Variants in NPAS3 observed in about 807,000 individuals in gnomAD.
NPAS3 encodes the protein neuronal PAS domain-containing protein 3.
In NPAS3, 14 loss-of-function variants were observed where a neutral mutation model predicts 73.1. The ratio of observed to expected loss-of-function variants is 0.19; its 90% CI spans 0.13 to 0.30. NPAS3 has a LOEUF of 0.30. NPAS3 is among the 10% of genes least tolerant of loss of function. The pLI, the probability that NPAS3 is intolerant of heterozygous loss-of-function variation, is 1.00. For synonymous variants in NPAS3, 620 were observed against 541.5 expected (o/e 1.14, Z -2.01); for missense variants, 1,096 against 1,250.0 (o/e 0.88, Z 1.86).
At chr14:33,097,631 G>A (rs1472627391) in intron 2 of NPAS3, among the ~76,000 whole-genome samples, 3 of 152,188 alleles carry the variant, frequency 2.0e-5, no homozygotes, top group African/African-American at 4.8e-5. Context: ...GTACCAATCA[G>A]CAATATATGA....
In NPAS3 at chr14:33,720,767, G is replaced by A. The variant is rs541353964; in HGVS notation, c.734-14447G>A. Among the ~76,000 whole-genome samples, 8 of 152,214 alleles carry A rather than the reference G, an allele frequency of 5.3e-5. No individual in the cohort carries two copies. The South Asian group carries it at 1.5e-3, about 28-fold the overall frequency. On this transcript the variant is annotated intron_variant, in intron 6 of 11. Coordinates refer to ENST00000356141, the Ensembl canonical transcript of NPAS3. ...GGCTCATTGGGGATACATATATTAAGCCCTTTAAATAGTTCATAATAAATC... is the reference window on the plus strand; with the variant it reads ...GGCTCATTGGGGATACATATATTAAACCCTTTAAATAGTTCATAATAAATC...
intron 3 of NPAS3, among the ~76,000 whole-genome samples, chr14:33,227,805 C>T (rs140823188): frequency 1.2e-4 from 19 of 152,148 alleles, no homozygotes; most frequent in Non-Finnish European, 2.2e-4. Flanking sequence ...AGGTACAGTT[C>T]ATGTATCCCA....
intron 1 of NPAS3, among the ~76,000 whole-genome samples, chr14:32,957,623 C>T (rs957497039): frequency 3.3e-5 from 5 of 152,246 alleles, no homozygotes; most frequent in Non-Finnish European, 2.9e-5. Flanking sequence ...CCGCCTGCCT[C>T]GGCCTCCCAA....
intron 1 of NPAS3, among the ~76,000 whole-genome samples, chr14:33,041,623 G>C (rs1186298014): frequency 6.6e-6 from 1 of 152,130 alleles, no homozygotes; most frequent in Non-Finnish European, 1.5e-5. Flanking sequence ...TTTGGTCTAG[G>C]TCCCTTTGCT....
chr14:33,023,540 T>TA (rs1026226023), intron 1 of NPAS3, among the ~76,000 whole-genome samples: 2 of 152,352 alleles, frequency 1.3e-5, no homozygotes, highest in Admixed American at 1.3e-4. Context: ...TAATACATTC[T>TA]AAAAATGCAT....
chr14:33,487,914 G>A (rs1424388993), intron 4 of NPAS3, among the ~76,000 whole-genome samples: 1 of 152,112 alleles, frequency 6.6e-6, no homozygotes, highest in Non-Finnish European at 1.5e-5. Flanking sequence ...ACTTATATCT[G>A]TCTTTCGAAT....
chr14:33,679,375 C>G (rs778834192), intron 6 of NPAS3, among the ~76,000 whole-genome samples: 3 of 152,118 alleles, frequency 2.0e-5, no homozygotes, highest in Non-Finnish European at 4.4e-5. Context: ...GATGATGGCT[C>G]CAAGGGAATT....
intron 1 of NPAS3, among the ~76,000 whole-genome samples, chr14:32,999,818 T>A (rs1182491244): frequency 3.9e-5 from 6 of 152,198 alleles, no homozygotes; most frequent in African/African-American, 1.4e-4. Context: ...GGGTTTCTGT[T>A]GCTTGTAATA....
chr14:33,109,397 C>T (rs1198294782), intron 2 of NPAS3, among the ~76,000 whole-genome samples: 1 of 152,066 alleles, frequency 6.6e-6, no homozygotes, highest in East Asian at 1.9e-4. Flanking sequence ...ATAACCCTAG[C>T]TCAATGCCTA....
At chr14:33,052,787 T>C (rs933911181) in intron 1 of NPAS3, among the ~76,000 whole-genome samples, 36 of 152,290 alleles carry the variant, frequency 2.4e-4, no homozygotes, top group Admixed American at 9.8e-4. Flanking sequence ...TGGTTTTCTG[T>C]CTATAATTTT....
In NPAS3 at chr14:33,093,218, C is replaced by T. The variant is rs191368140; in HGVS notation, c.140+37224C>T. On this transcript the variant is annotated intron_variant, in intron 2 of 11. Coordinates refer to ENST00000356141, the Ensembl canonical transcript of NPAS3. The stretch of plus-strand genomic sequence containing the variant: ...TGGGAGAAAATTTTTGCAATCTACT[C>T]ATCTGACAAAGGGCTAATATCCAGA... 5.4e-3 allele frequency among the ~76,000 whole-genome samples: 828 copies of T among 152,248 alleles called. 7 individuals carry two copies. The highest frequency in any genetic ancestry group is 0.019 in the African/African-American group (779 of 41,544).
chr14:33,559,125 G>T (rs2055508649), intron 4 of NPAS3, among the ~76,000 whole-genome samples: 1 of 152,192 alleles, frequency 6.6e-6, no homozygotes, highest in Non-Finnish European at 1.5e-5. Context: ...AGGAGTTACA[G>T]ATGATGTGTA....
chr14:33,530,973 C>G (rs1283416473), intron 4 of NPAS3, among the ~76,000 whole-genome samples: 1 of 152,032 alleles, frequency 6.6e-6, no homozygotes, highest in Non-Finnish European at 1.5e-5. Context: ...GAAATATTCT[C>G]TGTATGGGTA....
chr14:33,352,375 T>C (rs2045108669), intron 3 of NPAS3, among the ~76,000 whole-genome samples: 1 of 152,224 alleles, frequency 6.6e-6, no homozygotes, highest in Non-Finnish European at 1.5e-5. Flanking sequence ...CTCATTTTTG[T>C]TTTGCTACAG....
At chr14:33,280,929 G>A (rs2041576228) in intron 3 of NPAS3, among the ~76,000 whole-genome samples, 1 of 152,132 alleles carries the variant, frequency 6.6e-6, no homozygotes, top group African/African-American at 2.4e-5. Flanking sequence ...TTTACAAGAA[G>A]TGAAAGTAAA....
chr14:33,099,907 T>C (rs1431102779), intron 2 of NPAS3, among the ~76,000 whole-genome samples: 1 of 152,126 alleles, frequency 6.6e-6, no homozygotes, highest in East Asian at 1.9e-4. Flanking sequence ...ATTGAAACAA[T>C]AAGGTGAGAA....
chr14:33,660,296 G>T (rs2140271348), intron 5 of NPAS3, among the ~76,000 whole-genome samples: 1 of 152,256 alleles, frequency 6.6e-6, no homozygotes. Flanking sequence ...CCATGTCCAA[G>T]CCATCTCCAT....
At chr14:33,156,001 C>T (rs928185366) in intron 2 of NPAS3, among the ~76,000 whole-genome samples, 7 of 151,890 alleles carry the variant, frequency 4.6e-5, no homozygotes, top group Admixed American at 4.6e-4. Flanking sequence ...AGATAGATCA[C>T]CACTTAGTGA....
At chr14:33,269,442 T>C (rs2140003032) in intron 3 of NPAS3, among the ~76,000 whole-genome samples, 1 of 152,318 alleles carries the variant, frequency 6.6e-6, no homozygotes, top group Non-Finnish European at 1.5e-5. Context: ...CTTGAACCAC[T>C]ATGAATCACT....
Sources: allele counts gnomAD v4.1 joint callset (sites outside exome capture counted in the v4.1 genomes callset), GRCh38; gene constraint gnomAD v4.1.1; transcripts MANE v1.5; gene names NCBI Gene and HGNC (gene_info 2026-07-23, HGNC 2026-07-21).